CFAP61: variants seen among roughly 807,000 people sequenced by gnomAD.
CFAP61 encodes cilia and flagella associated protein 61, also known as cilia- and flagella-associated protein 61.
In CFAP61, 107 loss-of-function variants were observed where a neutral mutation model predicts 135.6. That is an observed-to-expected ratio of 0.79 (90% CI 0.67 to 0.93). The LOEUF is 0.93. CFAP61 is among the 40% of genes least tolerant of loss of function. CFAP61 has a pLI of 0.00. For missense variants in CFAP61, 1,507 were observed against 1,556.2 expected (o/e 0.97, Z 0.53); for synonymous variants, 575 against 578.5 (o/e 0.99, Z 0.09).
At chr20:20,176,826 G>T (rs74569344) in intron 13 of CFAP61, among the ~76,000 whole-genome samples, 29,070 of 152,058 alleles carry the variant, frequency 0.19, 3,508 homozygotes, top group Non-Finnish European at 0.27. Flanking sequence ...GGCACACTAT[G>T]TAACGTATAT....
At chr20:20,335,349 T>TA (rs2058146756) in intron 25 of CFAP61, among the ~76,000 whole-genome samples, 1 of 152,218 alleles carries the variant, frequency 6.6e-6, no homozygotes, top group South Asian at 2.1e-4. Flanking sequence ...TCACAGCTGA[T>TA]AAAACATCCA....
chr20:20,224,689 C>T lies in CFAP61; in HGVS notation c.1933-3560C>T, dbSNP rs559666781. ...GGGCAACAAGAGTAAAACTCCATCT[C>T]GAAAAACAAATAATAATAATAATCT... is the stretch of plus-strand genomic sequence containing the variant. On this transcript the variant is annotated intron_variant, in intron 17 of 26. Transcript: ENST00000245957. Among the ~76,000 whole-genome samples the T allele has an allele frequency of 1.4e-4, 22 of 151,954 alleles. No homozygotes were observed. In the South Asian group the frequency reaches 3.7e-3, roughly 26 times the overall value.
intron 25 of CFAP61, among the ~76,000 whole-genome samples, chr20:20,320,197 A>C (rs1275223288): frequency 6.7e-6 from 1 of 149,700 alleles, no homozygotes; most frequent in Admixed American, 6.8e-5. Context: ...CCTGATTCAG[A>C]TAAACTGTTA....
intron 6 of CFAP61, among the ~76,000 whole-genome samples, chr20:20,077,268 G>A (rs1010097958): frequency 6.6e-6 from 1 of 152,182 alleles, no homozygotes; most frequent in Non-Finnish European, 1.5e-5. Context: ...ACATATAGTA[G>A]CATGAATCAA....
intron 6 of CFAP61, among the ~76,000 whole-genome samples, chr20:20,082,192 T>A (rs370876654): frequency 4.6e-5 from 7 of 152,348 alleles, no homozygotes; most frequent in African/African-American, 1.7e-4. Flanking sequence ...TTGACATCCG[T>A]TTCAACGATA....
At chr20:20,066,681 G>T (rs1252973680) in intron 2 of CFAP61, among the ~76,000 whole-genome samples, 2 of 152,146 alleles carry the variant, frequency 1.3e-5, no homozygotes, top group African/African-American at 4.8e-5. Flanking sequence ...CTGTCGGGGT[G>T]GGGGCTAGGG....
At chr20:20,268,305 G>A (rs2052967086) in intron 21 of CFAP61, among the ~76,000 whole-genome samples, 1 of 152,210 alleles carries the variant, frequency 6.6e-6, no homozygotes, top group South Asian at 2.1e-4. Flanking sequence ...CACCAGTGCT[G>A]ATGTTACTGA....
chr20:20,159,302 C>T, intron 9 of CFAP61, 68 bp from the exon 10 acceptor site: 2 of 1,356,010 alleles, frequency 1.5e-6, no homozygotes, highest in Non-Finnish European at 2.0e-6. Flanking sequence ...GCAGTTTGCT[C>T]CAGAGCTTGG....
intron 8 of CFAP61, among the ~76,000 whole-genome samples, chr20:20,122,360 T>C (rs973846204): frequency 6.6e-6 from 1 of 152,156 alleles, no homozygotes; most frequent in Non-Finnish European, 1.5e-5. Flanking sequence ...TTTCACCATA[T>C]TGGCCAGGCT....
chr20:20,296,013 CCTTT>C (rs2055421200), intron 24 of CFAP61, among the ~76,000 whole-genome samples: 2 of 58,060 alleles, frequency 3.4e-5, no homozygotes, highest in Non-Finnish European at 7.7e-5. Flanking sequence ...TTCCTTCCCT[CCTTT>C]CCTTCCTTCT....
intron 13 of CFAP61, among the ~76,000 whole-genome samples, chr20:20,187,152 G>C (rs1205439487): frequency 1.3e-5 from 2 of 152,200 alleles, no homozygotes; most frequent in African/African-American, 4.8e-5. Context: ...TCTGACCAGA[G>C]ACTCCATGTG....
At chr20:20,156,016 G>T (rs932964268) in intron 9 of CFAP61, among the ~76,000 whole-genome samples, 2 of 152,076 alleles carry the variant, frequency 1.3e-5, no homozygotes, top group Non-Finnish European at 2.9e-5. Flanking sequence ...TATGGAACCA[G>T]ACTAAATGCC....
At chr20:20,190,995 T>C (rs2055880643) in intron 14 of CFAP61, among the ~76,000 whole-genome samples, 1 of 152,082 alleles carries the variant, frequency 6.6e-6, no homozygotes, top group South Asian at 2.1e-4. Context: ...GGGGCACGCC[T>C]GTAGTCCCAG....
At chr20:20,141,662 C>T (rs2051414633) in intron 8 of CFAP61, among the ~76,000 whole-genome samples, 1 of 152,188 alleles carries the variant, frequency 6.6e-6, no homozygotes. Context: ...CATTTACCTA[C>T]ATCTTTGCCA....
chr20:20,167,585 A>G (rs994329329), intron 12 of CFAP61, among the ~76,000 whole-genome samples: 1 of 152,204 alleles, frequency 6.6e-6, no homozygotes, highest in Admixed American at 6.5e-5. Context: ...TGGTTGCTTC[A>G]TCCTTAATCC....
chr20:20,099,127 TCACACACACA>T (rs11087302), intron 8 of CFAP61, among the ~76,000 whole-genome samples: 1 of 149,356 alleles, frequency 6.7e-6, no homozygotes, highest in Admixed American at 6.7e-5. Flanking sequence ...GTTTCAGGTT[TCACACACACA>T]CACACACACA....
intron 21 of CFAP61, 33 bp from the exon 22 acceptor site, chr20:20,277,133 C>G: frequency 6.5e-7 from 1 of 1,541,488 alleles, no homozygotes; most frequent in Non-Finnish European, 8.9e-7. Flanking sequence ...GTTTTCTGAA[C>G]TGTATATCTT....
At chr20:20,175,157 G>T (rs2054517542) in intron 13 of CFAP61, among the ~76,000 whole-genome samples, 1 of 152,212 alleles carries the variant, frequency 6.6e-6, no homozygotes, top group Non-Finnish European at 1.5e-5. Flanking sequence ...GAGCTTGTTT[G>T]TCCCTTAAAG....
At chr20:20,117,901 G>A (rs1485793397) in intron 8 of CFAP61, among the ~76,000 whole-genome samples, 2 of 151,952 alleles carry the variant, frequency 1.3e-5, no homozygotes, top group Non-Finnish European at 2.9e-5. Context: ...GTTTACTGTT[G>A]GTGATAAAAT....
Sources: allele counts gnomAD v4.1 joint callset (sites outside exome capture counted in the v4.1 genomes callset), GRCh38; gene constraint gnomAD v4.1.1; transcripts MANE v1.5; gene names NCBI Gene and HGNC (gene_info 2026-07-23, HGNC 2026-07-21).